TANK: variants seen among roughly 807,000 people sequenced by gnomAD.
TANK encodes TRAF family member associated NFKB activator, also known as TRAF family member-associated NF-kappa-B activator.
A neutral mutation model predicts 43.6 loss-of-function variants in TANK; 15 were observed. That is an observed-to-expected ratio of 0.34 (90% CI 0.23 to 0.53). TANK has a LOEUF of 0.53. Among genes scored for constraint, TANK ranks in the 20% least tolerant of loss-of-function variants. TANK has a pLI of 0.94. For synonymous variants in TANK, 162 were observed against 178.2 expected, an observed-to-expected ratio of 0.91 and a Z score of 0.73; for missense variants, 417 against 498.6, an observed-to-expected ratio of 0.84 and a Z score of 1.56.
chr2:161,226,695 GT>G (rs1406510807), intron 6 of TANK, among the ~76,000 whole-genome samples: 3 of 151,948 alleles, frequency 2.0e-5, no homozygotes, highest in Non-Finnish European at 4.4e-5. Flanking sequence ...TTATTACTTT[GT>G]TTTTTCTACT....
At chr2:161,202,305 T>G (rs1448333063) in intron 2 of TANK, among the ~76,000 whole-genome samples, 1 of 147,216 alleles carries the variant, frequency 6.8e-6, no homozygotes, top group Non-Finnish European at 1.5e-5. Context: ...TTCTCCTGCC[T>G]CAGCCTCCCA....
At chr2:161,169,287 G>GT (rs770510458) in intron 1 of TANK, among the ~76,000 whole-genome samples, 4 of 152,204 alleles carry the variant, frequency 2.6e-5, no homozygotes, top group Admixed American at 1.3e-4. Context: ...ATATTGAGGA[G>GT]TTGTATTAGT....
At chr2:161,151,175 G>T (rs1436266923) in intron 1 of TANK, among the ~76,000 whole-genome samples, 1 of 152,126 alleles carries the variant, frequency 6.6e-6, no homozygotes, top group Non-Finnish European at 1.5e-5. Flanking sequence ...AATATATTAA[G>T]ACTTTTTGTG....
chr2:161,161,172 G>C (rs1684416094), intron 1 of TANK: 4 of 1,458,560 alleles, frequency 2.7e-6, no homozygotes, highest in African/African-American at 2.9e-5. Context: ...TGCTTTTCTA[G>C]AAGTAGAAAG....
intron 2 of TANK, chr2:161,200,647 TC>T: frequency 1.5e-6 from 1 of 670,862 alleles, no homozygotes; most frequent in Non-Finnish European, 1.8e-6. Flanking sequence ...ATCTTTTGCA[TC>T]CGTTTTCTCA....
At chr2:161,232,589 G>T in intron 7 of TANK, 1 of 924,350 alleles carries the variant, frequency 1.1e-6, no homozygotes, top group Non-Finnish European at 1.5e-6. Context: ...TCACATCATA[G>T]TCTCAGTTAT....
intron 1 of TANK, among the ~76,000 whole-genome samples, chr2:161,176,219 A>G (rs1685168597): frequency 6.6e-6 from 1 of 152,188 alleles, no homozygotes; most frequent in Non-Finnish European, 1.5e-5. Flanking sequence ...AATGCCAAAA[A>G]TAAATAAATA....
At chr2:161,180,980 A>G (rs1406792161) in intron 2 of TANK, among the ~76,000 whole-genome samples, 1 of 152,002 alleles carries the variant, frequency 6.6e-6, no homozygotes, top group East Asian at 1.9e-4. Context: ...TCAAAAGGAA[A>G]GGTGTTCATT....
At position 161,165,417 on chromosome 2, in the gene TANK, G is replaced by A. The variant is rs551101881; in HGVS notation, c.-50+4931G>A. Among the ~76,000 whole-genome samples the A allele has an allele frequency of 7.9e-4, 120 of 152,130 alleles. 1 individual carries two copies. The highest frequency in any genetic ancestry group is 1.4e-3 in the Non-Finnish European group (93 of 68,016). On this transcript the variant is annotated intron_variant, in intron 1 of 7. Transcript: ENST00000392749. ...ACTGTTATTGTGAGAGATTTAAGTG[G>A]TTTTACTATTCACAACCATTTATTA...
At chr2:161,151,116 CATT>C (rs1684068070) in intron 1 of TANK, among the ~76,000 whole-genome samples, 1 of 152,122 alleles carries the variant, frequency 6.6e-6, no homozygotes, top group Non-Finnish European at 1.5e-5. Context: ...CTTCTAGTTT[CATT>C]CCATTTTGGT....
chr2:161,157,851 T>C (rs1280326531), upstream of TANK, among the ~76,000 whole-genome samples: 1 of 152,098 alleles, frequency 6.6e-6, no homozygotes, highest in Non-Finnish European at 1.5e-5. Flanking sequence ...ACCTGGCTAA[T>C]TTTTGTATTT....
chr2:161,166,654 C>A (rs917406978), intron 1 of TANK, among the ~76,000 whole-genome samples: 2 of 152,076 alleles, frequency 1.3e-5, no homozygotes, highest in Non-Finnish European at 2.9e-5. Flanking sequence ...GGCACAGTGG[C>A]TTGACGCCTA....
Position 161,231,080 on chromosome 2 carries a change from A to T in TANK, c.630A>T (p.Thr210=), listed in dbSNP as rs1224862548. The change falls in exon 7 of 8, where the codon ACA becomes ACT. Residue 210 remains threonine, a synonymous_variant. Coordinates refer to ENST00000392749, the MANE Select transcript of TANK (RefSeq NM_001199135.3). ...DDINRGAPSI[T]SVTPRGLCRD... ...TAAATAGAGGTGCACCATCCATCAC[A>T]TCTGTCACACCAAGAGGACTGTGCA... 2.5e-6 allele frequency: 4 copies of T among 1,613,992 alleles called. No homozygotes were observed. In the Admixed American group the frequency reaches 6.7e-5, roughly 27 times the overall value.
chr2:161,230,540 C>A (rs1263070069), intron 6 of TANK, among the ~76,000 whole-genome samples: 2 of 152,150 alleles, frequency 1.3e-5, no homozygotes, highest in African/African-American at 2.4e-5. Context: ...CTTAGTTAGA[C>A]AGTGACATTA....
chr2:161,212,048 G>T, intron 4 of TANK: 2 of 811,970 alleles, frequency 2.5e-6, no homozygotes, highest in Non-Finnish European at 3.0e-6. Flanking sequence ...TTTCCAAAGA[G>T]TCATAATACA....
intron 2 of TANK, among the ~76,000 whole-genome samples, chr2:161,181,082 C>A (rs1685400879): frequency 6.6e-6 from 1 of 152,080 alleles, no homozygotes; most frequent in Admixed American, 6.6e-5. Flanking sequence ...TTCCCAAATG[C>A]CAGCTGTATT....
At chr2:161,193,474 C>T (rs1686011108) in intron 2 of TANK, among the ~76,000 whole-genome samples, 1 of 152,180 alleles carries the variant, frequency 6.6e-6, no homozygotes, top group South Asian at 2.1e-4. Context: ...AATCCCAGCG[C>T]TTTGAGAGGC....
At chr2:161,137,495 G>A (rs1044559358) in intron 1 of TANK, among the ~76,000 whole-genome samples, 1 of 151,956 alleles carries the variant, frequency 6.6e-6, no homozygotes, top group African/African-American at 2.4e-5. Flanking sequence ...GTTTATATCT[G>A]GAATGAGAGC....
At chr2:161,191,130 T>C (rs1380625900) in intron 2 of TANK, among the ~76,000 whole-genome samples, 1 of 152,234 alleles carries the variant, frequency 6.6e-6, no homozygotes, top group Non-Finnish European at 1.5e-5. Context: ...CTCAGAAGTT[T>C]TTCTTTGAGA....
Sources: allele counts gnomAD v4.1 joint callset (sites outside exome capture counted in the v4.1 genomes callset), GRCh38; gene constraint gnomAD v4.1.1; transcripts MANE v1.5; gene names NCBI Gene and HGNC (gene_info 2026-07-23, HGNC 2026-07-21).